Variants in MYO16 observed in about 807,000 individuals in gnomAD.
The protein encoded by MYO16 is unconventional myosin-XVI.
Under a neutral mutation model 205.3 loss-of-function variants are expected in MYO16, and 94 were observed. That is an observed-to-expected ratio of 0.46 (90% confidence interval 0.39 to 0.54). The LOEUF is 0.54. Ranked by LOEUF, MYO16 falls within the 20% of genes least tolerant of loss-of-function variation. The pLI, the probability that MYO16 is intolerant of heterozygous loss-of-function variation, is 0.00. For synonymous variants in MYO16, 988 were observed against 954.0 expected (o/e 1.04, Z -0.66); for missense variants, 2,315 against 2,387.5 (o/e 0.97, Z 0.63).
At chr13:108,594,272 C>A (rs1878478214), upstream of MYO16, among the ~76,000 whole-genome samples, 1 of 152,336 alleles carries the variant, frequency 6.6e-6, no homozygotes, top group African/African-American at 2.4e-5. Context: ...AATTACCTAA[C>A]ACAAGTCTAC....
At chr13:108,657,862 T>G (rs1174246389) in intron 1 of MYO16, among the ~76,000 whole-genome samples, 1 of 152,182 alleles carries the variant, frequency 6.6e-6, no homozygotes, top group East Asian at 1.9e-4. Flanking sequence ...CATTTTGAGG[T>G]AGAATAAAAG....
Position 108,899,571 on chromosome 13 carries a change from G to A in MYO16, c.1777+1438G>A, listed in dbSNP as rs7330446. The stretch of plus-strand genomic sequence containing the variant: ...GAGTTCTGAAGGTCTGCCATTTTAT[G>A]AAGACCTCATCGGAGAACTGTCGTG... On this transcript the variant is annotated intron_variant, in intron 15 of 34. Transcript: ENST00000457511. Among the ~76,000 whole-genome samples, 1,190 of 152,312 alleles carry A rather than the reference G, an allele frequency of 7.8e-3. 12 individuals are homozygous for A. Among genetic ancestry groups the A allele is most frequent in the African/African-American group, 0.028 (1,145 of 41,566 alleles).
intron 33 of MYO16, among the ~76,000 whole-genome samples, chr13:109,169,775 A>T (rs1419176776): frequency 6.6e-6 from 1 of 152,226 alleles, no homozygotes; most frequent in Non-Finnish European, 1.5e-5. Context: ...TGTTTCCAAA[A>T]TTCTAAGGAT....
chr13:109,070,584 G>A (rs544007195), intron 27 of MYO16, among the ~76,000 whole-genome samples: 46 of 152,242 alleles, frequency 3.0e-4, no homozygotes, highest in African/African-American at 1.0e-3. Context: ...TCTTTAGAGT[G>A]AGATAATGAT....
Position 109,125,310 on chromosome 13 carries a change from A to G in MYO16, c.3734A>G (p.His1245Arg), listed in dbSNP as rs1876196923. Residue 1245 changes from histidine (H) to arginine (R), a missense_variant, in exon 30 of 35, where the codon CAT becomes CGT. Physicochemically the swap from His to Arg is conservative, Grantham distance 29. Around this residue, in one of 3 missense-constraint regions of MYO16, gnomAD observed 1,097 missense variants for 1,092.0 expected, o/e 1.00. Coordinates refer to ENST00000457511, the MANE Select transcript of MYO16 (RefSeq NM_001198950.3). This position sits in a 1 kb window ranked among gnomAD's most constrained non-coding sequence, Gnocchi z 4.0. ...CGTAGTGAAATGAACGCTCCCTACCATAAAGAGAAGTTAGAGGTCAGGAAC... is the reference window on the plus strand; with the variant it reads ...CGTAGTGAAATGAACGCTCCCTACCGTAAAGAGAAGTTAGAGGTCAGGAAC... ...RLRSEMNAPY[H>R]KEKLEVRNMQ... is the part of the protein sequence containing the mutation. 1.2e-6 allele frequency: 2 copies of G among 1,614,190 alleles called. No individual in the cohort carries two copies. The highest frequency in any genetic ancestry group is 1.7e-6 in the Non-Finnish European group (2 of 1,180,018).
intron 22 of MYO16, among the ~76,000 whole-genome samples, chr13:109,010,529 T>C (rs900682963): frequency 6.6e-6 from 1 of 152,212 alleles, no homozygotes; most frequent in Non-Finnish European, 1.5e-5. Context: ...CTATCTCCTT[T>C]ATACTGATTT....
At chr13:109,142,388 C>G (rs1183491254) in intron 32 of MYO16, among the ~76,000 whole-genome samples, 3 of 152,126 alleles carry the variant, frequency 2.0e-5, no homozygotes, top group African/African-American at 7.2e-5. Flanking sequence ...GCACTGGATC[C>G]CCCACTCGCC....
chr13:109,127,485 G>C lies in MYO16; in HGVS notation c.3986G>C (p.Arg1329Pro). 6.2e-7 allele frequency: 1 copy of C among 1,613,768 alleles called. No homozygotes were observed. The highest frequency in any genetic ancestry group is 8.5e-7 in the Non-Finnish European group (1 of 1,179,972). ...PPKPKRDPNTRLSASYEAVSA... is the reference protein window; with the variant it reads ...PPKPKRDPNTPLSASYEAVSA... Reference sequence around the variant, plus strand: ...AAGCCAAAGAGGGACCCCAACACCCGGCTGAGTGCTTCCTATGAGGCTGTG... The same window carrying C: ...AAGCCAAAGAGGGACCCCAACACCCCGCTGAGTGCTTCCTATGAGGCTGTG... The change falls in exon 31 of 35, where the codon CGG becomes CCG. Residue 1329 changes from arginine (R) to proline (P), a missense_variant. Physicochemically the swap from Arg to Pro is moderately radical, Grantham distance 103 (BLOSUM62 -2). Coordinates refer to ENST00000457511, the MANE Select transcript of MYO16 (RefSeq NM_001198950.3). The surrounding 1 kb of genome is among the most constrained non-coding windows in gnomAD (Gnocchi z 4.2).
the MYO16 span, among the ~76,000 whole-genome samples, chr13:108,530,512 A>G: frequency 1.3e-5 from 2 of 152,194 alleles, no homozygotes; most frequent in Non-Finnish European, 2.9e-5. Context: ...TTAAAAAGCC[A>G]GCTCTTTAGT....
chr13:108,726,572 AGAAAAAG>A (rs1167151453), intron 3 of MYO16, among the ~76,000 whole-genome samples: 21 of 52,280 alleles, frequency 4.0e-4, no homozygotes, highest in African/African-American at 9.7e-4. Flanking sequence ...AAAAAAAAAA[AGAAAAAG>A]AAAAAGAAAA....
intron 10 of MYO16, among the ~76,000 whole-genome samples, chr13:108,851,511 T>C (rs1877862761): frequency 6.6e-6 from 1 of 152,200 alleles, no homozygotes; most frequent in South Asian, 2.1e-4. Flanking sequence ...GTTTTCTAGA[T>C]TCCTTTTATA....
chr13:109,187,400 C>A (rs1423871245), intron 34 of MYO16, among the ~76,000 whole-genome samples: 1 of 151,710 alleles, frequency 6.6e-6, no homozygotes, highest in Admixed American at 6.6e-5. Context: ...ATTTTCTTTT[C>A]TTTTGCTTGC....
intron 20 of MYO16, among the ~76,000 whole-genome samples, chr13:108,991,116 G>A (rs3858816): frequency 0.14 from 21,704 of 152,124 alleles, 1,637 homozygotes; most frequent in East Asian, 0.2. Context: ...GAAGAGGTGG[G>A]GTACGTGCCC....
the MYO16 span, among the ~76,000 whole-genome samples, chr13:108,579,602 G>A: frequency 2.0e-5 from 3 of 151,852 alleles, no homozygotes; most frequent in Admixed American, 1.3e-4. Context: ...CATCACATCC[G>A]GCTAATTTTT....
At chr13:108,535,954 T>C in the MYO16 span, among the ~76,000 whole-genome samples, 1 of 152,186 alleles carries the variant, frequency 6.6e-6, no homozygotes, top group African/African-American at 2.4e-5. Flanking sequence ...AAACTTCACT[T>C]TTGTGGAACT....
intron 4 of MYO16, among the ~76,000 whole-genome samples, chr13:108,763,156 C>T (rs953142249): frequency 3.9e-5 from 6 of 152,116 alleles, no homozygotes; most frequent in South Asian, 4.1e-4. Flanking sequence ...CCAGGAATGA[C>T]GCTTGCTCTT....
chr13:108,920,263 T>G (rs568972416), intron 16 of MYO16, among the ~76,000 whole-genome samples: 31 of 152,226 alleles, frequency 2.0e-4, no homozygotes, highest in African/African-American at 7.5e-4. Flanking sequence ...GACCTCTGCC[T>G]TTTGTTCCAC....
At chr13:109,079,190 T>C (rs886134868) in intron 27 of MYO16, among the ~76,000 whole-genome samples, 1 of 152,152 alleles carries the variant, frequency 6.6e-6, no homozygotes, top group East Asian at 1.9e-4. Flanking sequence ...TAGGGATTAA[T>C]TCATTTGTTT....
intron 6 of MYO16, among the ~76,000 whole-genome samples, chr13:108,796,738 A>G (rs1186371300): frequency 7.9e-6 from 1 of 126,774 alleles, no homozygotes; most frequent in African/African-American, 2.9e-5. Context: ...GGACACAGGA[A>G]GGGGAACATC....
Sources: gnomAD v4.1 joint callset for allele counts (sites outside exome capture counted in the v4.1 genomes callset) on GRCh38, gnomAD v4.1.1 for gene constraint, gnomAD v4.1.1 regional missense constraint, Gnocchi (gnomAD v3.1) non-coding constraint, MANE v1.5 for transcripts, NCBI Gene and HGNC (gene_info 2026-07-23, HGNC 2026-07-21) for gene names.